Variants in QTGAL observed in about 807,000 individuals in gnomAD.
The protein encoded by QTGAL is queuosine-tRNA galactosyltransferase, also known as BGnT-like protein 1.
chr17:82,957,442 G>A, the QTGAL span: 99 of 1,611,520 alleles, frequency 6.1e-5, no homozygotes, highest in Non-Finnish European at 7.7e-5. Context: ...GCCGCCCAGC[G>A]GGGCAGGGCC....
chr17:83,031,399 C>T, the QTGAL span, among the ~76,000 whole-genome samples: 7 of 87,570 alleles, frequency 8.0e-5, no homozygotes, highest in East Asian at 8.8e-4. Context: ...CAGCGACGGC[C>T]GCCAGAGCAC....
At chr17:83,037,609 G>A in the QTGAL span, among the ~76,000 whole-genome samples, 1 of 152,216 alleles carries the variant, frequency 6.6e-6, no homozygotes, top group Non-Finnish European at 1.5e-5. This position sits in a 1 kb window ranked among gnomAD's most constrained non-coding sequence, Gnocchi z 5.2. Context: ...GCAGGGCCAG[G>A]TGAGTGCCCT....
the QTGAL span, chr17:82,957,138 C>A: frequency 5.0e-6 from 8 of 1,610,962 alleles, no homozygotes; most frequent in Non-Finnish European, 6.8e-6. Context: ...AGCCCCGGAG[C>A]AGGTGGTTGA....
chr17:82,951,091 G>C, the QTGAL span, among the ~76,000 whole-genome samples: 40 of 152,182 alleles, frequency 2.6e-4, no homozygotes, highest in African/African-American at 9.2e-4. Flanking sequence ...TTCCAATAAT[G>C]GAACACTAGG....
the QTGAL span, among the ~76,000 whole-genome samples, chr17:82,964,025 GGT>G: frequency 4.0e-5 from 1 of 24,798 alleles, no homozygotes; most frequent in African/African-American, 1.2e-4. Flanking sequence ...GGAAGGCTGA[GGT>G]CGGGGGGGTG....
the QTGAL span, chr17:82,960,948 G>C: frequency 7.0e-7 from 1 of 1,435,806 alleles, no homozygotes; most frequent in Non-Finnish European, 9.3e-7. Flanking sequence ...TCAAGGCAGA[G>C]CCTGACCACA....
the QTGAL span, chr17:82,965,609 C>T: frequency 1.4e-5 from 22 of 1,533,954 alleles, no homozygotes; most frequent in African/African-American, 6.8e-5. Context: ...GACAGGGCCC[C>T]GAACCTGGGG....
chr17:83,033,570 C>G, the QTGAL span, among the ~76,000 whole-genome samples: 1 of 150,668 alleles, frequency 6.6e-6, no homozygotes, highest in Non-Finnish European at 1.5e-5. Flanking sequence ...CTCCCGGGTT[C>G]ACGCCATTCC....
At chr17:83,029,443 G>A in the QTGAL span, among the ~76,000 whole-genome samples, 26 of 152,270 alleles carry the variant, frequency 1.7e-4, no homozygotes, top group African/African-American at 5.8e-4. Flanking sequence ...CGGAATTTGG[G>A]CTGACGGTTA....
the QTGAL span, among the ~76,000 whole-genome samples, chr17:83,012,616 C>T: frequency 3.9e-5 from 6 of 152,186 alleles, no homozygotes; most frequent in Admixed American, 1.3e-4. Flanking sequence ...GCTGCAGGGA[C>T]GCAAAGGGAG....
the QTGAL span, among the ~76,000 whole-genome samples, chr17:82,974,948 T>TCCCAGGGA: frequency 7.5e-6 from 1 of 133,942 alleles, no homozygotes; most frequent in Non-Finnish European, 1.6e-5. Context: ...GACTCCATCC[T>TCCCAGGGA]CCCAGGGACC....
chr17:83,041,325 A>T, the QTGAL span, among the ~76,000 whole-genome samples: 32 of 152,232 alleles, frequency 2.1e-4, no homozygotes, highest in Non-Finnish European at 4.4e-4. Flanking sequence ...GCAGAAAAAA[A>T]GTTTGAAAAA....
At chr17:83,014,116 G>A in the QTGAL span, among the ~76,000 whole-genome samples, 3 of 152,164 alleles carry the variant, frequency 2.0e-5, no homozygotes, top group South Asian at 2.1e-4. Context: ...ATTTAAGATC[G>A]TCTAAATAAG....
the QTGAL span, chr17:82,942,651 C>T: frequency 1.5e-6 from 1 of 672,642 alleles, no homozygotes; most frequent in Non-Finnish European, 2.6e-6. Flanking sequence ...GGGGTGGACG[C>T]CTCTGCCTTC....
At chr17:83,024,406 C>A in the QTGAL span, among the ~76,000 whole-genome samples, 3 of 152,246 alleles carry the variant, frequency 2.0e-5, no homozygotes, top group Admixed American at 6.5e-5. Context: ...GACCACACGG[C>A]GGTTCAGACG....
At chr17:82,964,302 C>A in the QTGAL span, among the ~76,000 whole-genome samples, 51 of 130,738 alleles carry the variant, frequency 3.9e-4, no homozygotes, top group Non-Finnish European at 7.3e-4. Flanking sequence ...AAAATGAAGA[C>A]TAAATTACAA....
the QTGAL span, among the ~76,000 whole-genome samples, chr17:82,973,162 CTG>C: frequency 6.6e-6 from 1 of 152,218 alleles, no homozygotes; most frequent in African/African-American, 2.4e-5. Flanking sequence ...AGCACAGACA[CTG>C]TACCGAGACC....
At chr17:82,954,326 C>T in the QTGAL span, among the ~76,000 whole-genome samples, 1 of 152,070 alleles carries the variant, frequency 6.6e-6, no homozygotes, top group East Asian at 1.9e-4. Flanking sequence ...GTGCAAAAAT[C>T]ACGAGCATTC....
the QTGAL span, among the ~76,000 whole-genome samples, chr17:82,973,694 G>A: frequency 6.0e-4 from 91 of 152,282 alleles, no homozygotes; most frequent in African/African-American, 1.6e-3. Flanking sequence ...GTTCGGAGCC[G>A]GCTAAGAAGT....
Sources: allele counts gnomAD v4.1 joint callset (sites outside exome capture counted in the v4.1 genomes callset), GRCh38; gene constraint gnomAD v4.1.1; non-coding constraint Gnocchi (gnomAD v3.1); transcripts MANE v1.5; gene names NCBI Gene and HGNC (gene_info 2026-07-23, HGNC 2026-07-21).